The following FAM13A variants were observed in gnomAD, a reference collection of about 807,000 sequenced individuals.
The protein encoded by FAM13A is protein FAM13A.
Under a neutral mutation model 129.6 loss-of-function variants are expected in FAM13A, and 76 were observed. The observed-to-expected ratio is 0.59, with a 90% CI of 0.49 to 0.71. The LOEUF (loss-of-function observed/expected upper bound fraction) is 0.71. Among genes scored for constraint, FAM13A ranks in the 30% least tolerant of loss-of-function variants. The pLI is 0.00. For missense variants in FAM13A, 1,108 were observed against 1,249.3 expected (o/e 0.89, Z 1.70); for synonymous variants, 443 against 449.9 (o/e 0.98, Z 0.20).
intron 6 of FAM13A, among the ~76,000 whole-genome samples, chr4:88,870,715 C>G (rs1475954757): frequency 6.6e-6 from 1 of 152,204 alleles, no homozygotes; most frequent in Non-Finnish European, 1.5e-5. Flanking sequence ...CAAAAGGCAG[C>G]AGAAACTTCT....
chr4:88,825,149 T>C (rs1300313824), intron 7 of FAM13A, among the ~76,000 whole-genome samples: 1 of 152,032 alleles, frequency 6.6e-6, no homozygotes, highest in Non-Finnish European at 1.5e-5. Flanking sequence ...ATTTCTCCTG[T>C]CTATTCTGGA....
intron 5 of FAM13A, among the ~76,000 whole-genome samples, chr4:88,932,588 C>T (rs865847068): frequency 1.1e-4 from 16 of 152,030 alleles, no homozygotes; most frequent in Middle Eastern, 6.8e-3. Flanking sequence ...AGGCTGTGGC[C>T]CTAAATGAAA....
intron 2 of FAM13A, among the ~76,000 whole-genome samples, chr4:89,028,050 CAAA>C (rs35334263): frequency 6.5e-5 from 9 of 139,418 alleles, no homozygotes; most frequent in Admixed American, 7.2e-5. Context: ...ACTAATAATA[CAAA>C]AAAAAAAAAA....
chr4:89,028,460 A>G (rs1768271148), intron 2 of FAM13A, among the ~76,000 whole-genome samples: 1 of 152,096 alleles, frequency 6.6e-6, no homozygotes, highest in Non-Finnish European at 1.5e-5. Context: ...AGGTGGGAGA[A>G]TCTCTTGAGC....
chr4:89,033,165 T>C (rs1485321197), intron 1 of FAM13A, among the ~76,000 whole-genome samples: 3 of 151,178 alleles, frequency 2.0e-5, no homozygotes, highest in African/African-American at 7.4e-5. Context: ...CTCTAATTGA[T>C]TAAAATACCT....
intron 7 of FAM13A, among the ~76,000 whole-genome samples, chr4:88,834,341 T>C (rs1007494623): frequency 6.6e-6 from 1 of 152,160 alleles, no homozygotes; most frequent in East Asian, 1.9e-4. Flanking sequence ...AAAATCTTTT[T>C]TTCCTCATTG....
intron 7 of FAM13A, among the ~76,000 whole-genome samples, chr4:88,828,321 G>C (rs1733354257): frequency 6.6e-6 from 1 of 151,838 alleles, no homozygotes; most frequent in Admixed American, 6.6e-5. Flanking sequence ...ATTTTTTGTA[G>C]AGATGAGGTT....
At chr4:88,968,173 C>T (rs920654939) in intron 4 of FAM13A, among the ~76,000 whole-genome samples, 5 of 152,134 alleles carry the variant, frequency 3.3e-5, no homozygotes, top group African/African-American at 7.2e-5. Flanking sequence ...ACAAAGCACC[C>T]GCCTCAGGGA....
At chr4:88,928,660 C>A (rs1752577565) in intron 5 of FAM13A, among the ~76,000 whole-genome samples, 1 of 151,838 alleles carries the variant, frequency 6.6e-6, no homozygotes, top group South Asian at 2.1e-4. Context: ...ATATCTTTTT[C>A]TATTCTTTAA....
At chr4:89,013,327 T>TAA (rs1421464037) in intron 3 of FAM13A, among the ~76,000 whole-genome samples, 1 of 82,732 alleles carries the variant, frequency 1.2e-5, no homozygotes, top group Non-Finnish European at 2.7e-5. Flanking sequence ...TATAACACAG[T>TAA]ATATATACAT....
intron 5 of FAM13A, among the ~76,000 whole-genome samples, chr4:88,925,210 T>C (rs1281131555): frequency 6.6e-6 from 1 of 152,334 alleles, no homozygotes; most frequent in African/African-American, 2.4e-5. Context: ...AGTGGGTATA[T>C]ACTCAATGGA....
At chr4:88,860,403 G>A (rs990786576) in intron 6 of FAM13A, among the ~76,000 whole-genome samples, 5 of 152,118 alleles carry the variant, frequency 3.3e-5, no homozygotes, top group South Asian at 2.1e-4. Flanking sequence ...TCTGGAAAAC[G>A]TCTAGAAATA....
At chr4:88,730,687 T>C (rs778959413) in intron 23 of FAM13A, among the ~76,000 whole-genome samples, 6 of 152,226 alleles carry the variant, frequency 3.9e-5, no homozygotes, top group Non-Finnish European at 7.3e-5. Flanking sequence ...CCACCACGCC[T>C]GGCCGACTTA....
At chr4:88,994,271 A>C (rs1335961734) in intron 3 of FAM13A, among the ~76,000 whole-genome samples, 5 of 152,156 alleles carry the variant, frequency 3.3e-5, no homozygotes, top group Non-Finnish European at 7.4e-5. Context: ...AAAGACCTTA[A>C]TTTATTAGCA....
chr4:88,818,094 G>A (rs921391422), intron 7 of FAM13A, among the ~76,000 whole-genome samples: 3 of 152,030 alleles, frequency 2.0e-5, no homozygotes, highest in African/African-American at 7.2e-5. Flanking sequence ...GGTGATTCTT[G>A]TGCCTCAGCC....
At chr4:88,766,441 C>T (rs543190830) in intron 13 of FAM13A, among the ~76,000 whole-genome samples, 1 of 152,230 alleles carries the variant, frequency 6.6e-6, no homozygotes, top group South Asian at 2.1e-4. Context: ...CATTCCCCTC[C>T]TATTATCTGG....
intron 6 of FAM13A, among the ~76,000 whole-genome samples, chr4:88,889,785 G>C (rs1029235044): frequency 1.3e-4 from 20 of 152,264 alleles, no homozygotes; most frequent in Middle Eastern, 6.8e-3. Context: ...CCTGTGACTA[G>C]AATCACTGCT....
chr4:88,948,741 G>A (rs923856487), intron 4 of FAM13A, among the ~76,000 whole-genome samples: 5 of 152,104 alleles, frequency 3.3e-5, no homozygotes, highest in African/African-American at 4.8e-5. Flanking sequence ...CAACCACCTC[G>A]GCCTCCCAAA....
In FAM13A at chr4:88,802,100, T is replaced by C. The variant is rs1486727804; in HGVS notation, c.1049+2911A>G. On this transcript the variant is annotated intron_variant, in intron 8 of 23. Coordinates refer to ENST00000264344, the MANE Select transcript of FAM13A (RefSeq NM_014883.4). ...AGCAACTGAGGTAGGGGCCCTGTTG[T>C]TTGGGATTGCAGCCTAGACTATAAG... 3.3e-5 allele frequency among the ~76,000 whole-genome samples: 5 copies of C among 152,130 alleles called. No homozygotes were observed. In the East Asian group the frequency reaches 9.6e-4, roughly 29 times the overall value.
Sources: allele counts gnomAD v4.1 joint callset (sites outside exome capture counted in the v4.1 genomes callset), GRCh38; gene constraint gnomAD v4.1.1; transcripts MANE v1.5; gene names NCBI Gene and HGNC (gene_info 2026-07-23, HGNC 2026-07-21).